The following KHDRBS3 variants were observed in gnomAD, a reference collection of about 807,000 sequenced individuals.
KHDRBS3 encodes the protein KH RNA binding domain containing, signal transduction associated 3, also known as KH domain-containing, RNA-binding, signal transduction-associated protein 3.
A neutral mutation model predicts 45.6 loss-of-function variants in KHDRBS3; 23 were observed. That is an observed-to-expected ratio of 0.50 (90% CI 0.36 to 0.72). The LOEUF (loss-of-function observed/expected upper bound fraction) is 0.72, where lower values mean the gene tolerates loss of function less well. Among genes scored for constraint, KHDRBS3 ranks in the 30% least tolerant of loss-of-function variants. The pLI is 0.00. For missense variants in KHDRBS3, 352 were observed against 424.8 expected (o/e 0.83, Z 1.51); for synonymous variants, 162 against 156.5 (o/e 1.04, Z -0.26).
At chr8:135,521,934 T>G (rs1172389142) in intron 2 of KHDRBS3, among the ~76,000 whole-genome samples, 2 of 152,222 alleles carry the variant, frequency 1.3e-5, no homozygotes, top group African/African-American at 4.8e-5. Context: ...ACAAGTTGTT[T>G]CCTTTTCTTT....
chr8:135,596,709 T>C lies in KHDRBS3; in HGVS notation c.808-10246T>C, dbSNP rs540363554. ...TAAAGGAATTAAAAAATAAATGTGATGATTTAAACAGAACTGGAATGTATA... is the reference window on the plus strand; with the variant it reads ...TAAAGGAATTAAAAAATAAATGTGACGATTTAAACAGAACTGGAATGTATA... On this transcript the variant is annotated intron_variant, in intron 6 of 8. Transcript: ENST00000355849. Among the ~76,000 whole-genome samples, 4 of 152,296 alleles carry C rather than the reference T, an allele frequency of 2.6e-5. No individual in the cohort carries two copies. The South Asian group carries it at 8.3e-4, about 32-fold the overall frequency.
intron 1 of KHDRBS3, among the ~76,000 whole-genome samples, chr8:135,502,869 T>C (rs1405793277): frequency 6.6e-6 from 1 of 152,230 alleles, no homozygotes; most frequent in Non-Finnish European, 1.5e-5. Context: ...AGGTGTATTC[T>C]AGATGTATTC....
intron 5 of KHDRBS3, among the ~76,000 whole-genome samples, chr8:135,566,682 T>TG (rs1827434460): frequency 1.3e-5 from 2 of 152,076 alleles, no homozygotes; most frequent in Admixed American, 1.3e-4. Context: ...TAGTGAGACT[T>TG]TATCTTTACA....
At chr8:135,549,852 T>C (rs1299880384) in intron 4 of KHDRBS3, 1 of 152,188 alleles carries the variant, frequency 6.6e-6, no homozygotes, top group Non-Finnish European at 1.5e-5. Flanking sequence ...AAATCACTTT[T>C]GCCTTTAAAA....
At chr8:135,573,357 A>C (rs1198290722) in intron 5 of KHDRBS3, among the ~76,000 whole-genome samples, 1 of 152,240 alleles carries the variant, frequency 6.6e-6, no homozygotes, top group African/African-American at 2.4e-5. Context: ...TAAATGTGTA[A>C]AATGAGAACT....
At chr8:135,459,057 G>A (rs1821285069) in intron 1 of KHDRBS3, 1 of 430,156 alleles carries the variant, frequency 2.3e-6, no homozygotes, top group Non-Finnish European at 4.7e-6. Flanking sequence ...ACCTTTTGCA[G>A]GAATTACTGT....
chr8:135,488,168 A>G (rs1254265633), intron 1 of KHDRBS3, among the ~76,000 whole-genome samples: 2 of 152,196 alleles, frequency 1.3e-5, no homozygotes, highest in Non-Finnish European at 2.9e-5. Context: ...AAAATTACGT[A>G]TTTTATATAG....
At chr8:135,597,636 C>A (rs1343306752) in intron 6 of KHDRBS3, among the ~76,000 whole-genome samples, 1 of 152,048 alleles carries the variant, frequency 6.6e-6, no homozygotes, top group Non-Finnish European at 1.5e-5. Context: ...GACAAAGATA[C>A]TTGTTTTGTT....
chr8:135,531,332 A>G (rs1029382554), intron 2 of KHDRBS3, among the ~76,000 whole-genome samples: 8 of 152,232 alleles, frequency 5.3e-5, no homozygotes, highest in African/African-American at 1.7e-4. Flanking sequence ...AATCTCAACC[A>G]CTACTAATAA....
intron 5 of KHDRBS3, among the ~76,000 whole-genome samples, chr8:135,569,785 G>A (rs1415346331): frequency 6.6e-6 from 1 of 152,140 alleles, no homozygotes; most frequent in African/African-American, 2.4e-5. Flanking sequence ...AGATGAAGGA[G>A]TGAATGCTCT....
At chr8:135,582,175 T>C in intron 6 of KHDRBS3, 102 bp downstream of exon 6, 1 of 1,113,066 alleles carries the variant, frequency 9.0e-7, no homozygotes, top group Non-Finnish European at 1.2e-6. Flanking sequence ...CTTGTTTTGG[T>C]TCTTGAGTAT....
chr8:135,524,950 G>A (rs909779402), intron 2 of KHDRBS3, among the ~76,000 whole-genome samples: 11 of 151,978 alleles, frequency 7.2e-5, no homozygotes, highest in African/African-American at 1.5e-4. Context: ...CACTGAGTAC[G>A]GTTAAATAGG....
At chr8:135,645,992 ATTTTTTTT>A (rs57082119) in intron 8 of KHDRBS3, among the ~76,000 whole-genome samples, 16 of 100,692 alleles carry the variant, frequency 1.6e-4, no homozygotes, top group Non-Finnish European at 2.2e-4. Context: ...TGCACCTTGG[ATTTTTTTT>A]TTTTTTTTTT....
At chr8:135,531,763 T>TAG (rs1484328940) in intron 2 of KHDRBS3, among the ~76,000 whole-genome samples, 1 of 152,084 alleles carries the variant, frequency 6.6e-6, no homozygotes, top group Non-Finnish European at 1.5e-5. Flanking sequence ...GGGAGAAAGG[T>TAG]AGAATAACTG....
intron 7 of KHDRBS3, chr8:135,625,516 G>C: frequency 2.4e-6 from 2 of 824,228 alleles, no homozygotes; most frequent in South Asian, 2.8e-5. Flanking sequence ...GAGCTGCACT[G>C]CTAGAACTGA....
chr8:135,512,709 T>C (rs1219277746), intron 1 of KHDRBS3, among the ~76,000 whole-genome samples: 1 of 152,236 alleles, frequency 6.6e-6, no homozygotes, highest in East Asian at 1.9e-4. Context: ...CCTAAATCAC[T>C]ATGCTAAGTG....
intron 1 of KHDRBS3, among the ~76,000 whole-genome samples, chr8:135,463,728 C>G (rs1027434454): frequency 1.3e-5 from 2 of 152,098 alleles, no homozygotes; most frequent in African/African-American, 2.4e-5. Context: ...AGGGAAACTC[C>G]GAAAGCCAGA....
intron 5 of KHDRBS3, among the ~76,000 whole-genome samples, chr8:135,573,097 G>A (rs1035462434): frequency 3.9e-5 from 6 of 152,092 alleles, no homozygotes; most frequent in African/African-American, 1.2e-4. Flanking sequence ...CTAAGGCCCT[G>A]TCACTAGATC....
At chr8:135,495,240 C>A (rs950874530) in intron 1 of KHDRBS3, among the ~76,000 whole-genome samples, 1 of 152,202 alleles carries the variant, frequency 6.6e-6, no homozygotes, top group South Asian at 2.1e-4. Flanking sequence ...TGGGTCTCAT[C>A]TCTCTTTGGA....
Sources: gnomAD v4.1 joint callset for allele counts (sites outside exome capture counted in the v4.1 genomes callset) on GRCh38, gnomAD v4.1.1 for gene constraint, MANE v1.5 for transcripts, NCBI Gene and HGNC (gene_info 2026-07-23, HGNC 2026-07-21) for gene names.